Variants in BBOF1 observed in about 807,000 individuals in gnomAD.
BBOF1 encodes basal body-orientation factor 1.
BBOF1 carries 62 observed loss-of-function variants against 68.0 expected under a neutral mutation model. The ratio of observed to expected loss-of-function variants is 0.91; its 90% CI spans 0.74 to 1.13. The LOEUF is 1.13. Among genes scored for constraint, BBOF1 ranks in the 50% most tolerant of loss-of-function variants. The probability of loss-of-function intolerance (pLI) is 0.00; values close to 1 mark genes in which losing one functional copy is unlikely to be tolerated. For missense variants in BBOF1, 534 were observed against 600.1 expected (o/e 0.89, Z 1.15); for synonymous variants, 208 against 198.8 (o/e 1.05, Z -0.39).
In BBOF1 at chr14:74,030,937, TATAG is replaced by T. The variant is rs1397705597; in HGVS notation, c.351+1690_351+1693del. ...AGTCATAAACATATATATATATATA[TATAG>T]AGAGAGAGAGATTATATATAAGGAG... On this transcript the variant is annotated intron_variant, in intron 3 of 11. Transcript: ENST00000394009. 8.2e-5 allele frequency among the ~76,000 whole-genome samples: 12 copies of T among 146,352 alleles called. 1 individual carries two copies. The highest frequency in any genetic ancestry group is 7.2e-3 in the Middle Eastern group (2 of 276).
At chr14:74,032,057 G>T (rs1291097925) in intron 3 of BBOF1, 1 of 151,354 alleles carries the variant, frequency 6.6e-6, no homozygotes, top group Admixed American at 6.6e-5. Flanking sequence ...AATACCACTA[G>T]CCATGCATGA....
intron 8 of BBOF1, among the ~76,000 whole-genome samples, chr14:74,054,442 G>A (rs79180947): frequency 1.3e-5 from 2 of 150,614 alleles, no homozygotes; most frequent in Middle Eastern, 3.4e-3. Context: ...GCAGTGGCAC[G>A]ATCTCAGCTC....
downstream of BBOF1, among the ~76,000 whole-genome samples, chr14:74,069,808 T>A (rs1287336730): frequency 6.6e-6 from 1 of 151,902 alleles, no homozygotes; most frequent in Non-Finnish European, 1.5e-5. Flanking sequence ...CTTTCATGAT[T>A]TTTCTCATTT....
In BBOF1 at chr14:74,023,110, AC is replaced by A; in HGVS notation, c.253del (p.Leu85Ter). 1 of 1,591,498 alleles carries A rather than the reference AC, an allele frequency of 6.3e-7. No homozygotes were observed. Among genetic ancestry groups the A allele is most frequent in the Non-Finnish European group, 8.6e-7 (1 of 1,168,164 alleles). The part of the protein sequence containing the change: ...MEKDIMSVLS[Y>X]LKKQDQEKDN... ...AAAGACATAATGTCAGTATTAAGTT[AC>A]CTGAAGAAGCAGGATCAGGAGAAAG... On this transcript the variant is annotated frameshift_variant, in exon 2 of 12. Transcript: ENST00000394009. LOFTEE classifies it high-confidence loss of function.
At chr14:74,033,170 A>C (rs1210917343) in intron 3 of BBOF1, among the ~76,000 whole-genome samples, 1 of 152,174 alleles carries the variant, frequency 6.6e-6, no homozygotes, top group Admixed American at 6.6e-5. Flanking sequence ...ATCCCTTTTT[A>C]GTAAACATCT....
chr14:74,051,247 AAAAAC>A lies in BBOF1; in HGVS notation c.1286+1062_1286+1066del, dbSNP rs549353564. 2.3e-3 allele frequency among the ~76,000 whole-genome samples: 353 copies of A among 151,404 alleles called. 2 individuals are homozygous for A. Among genetic ancestry groups the A allele is most frequent in the Non-Finnish European group, 4.1e-3 (282 of 67,970 alleles). On this transcript the variant is annotated intron_variant, in intron 8 of 11. Coordinates refer to ENST00000394009, the MANE Select transcript of BBOF1 (RefSeq NM_025057.3). ...TGACAAGAGCAAAACACTGTCTCAA[AAAAAC>A]AAAACAAAAAACAAAAATTAGCTGG...
chr14:74,040,606 G>A lies in BBOF1; in HGVS notation c.537G>A (p.Glu179=), dbSNP rs1274684156. Residue 179 remains glutamate, a synonymous_variant, in exon 5 of 12, where the codon GAG becomes GAA. Transcript: ENST00000394009. ...GAAACACAGAGCGGATACATCAGGA[G>A]ACTCTTAGAAGACTGGAAAGCAGAT... ...NLRNTERIHQ[E]TLRRLESRFF... 6.3e-7 allele frequency: 1 copy of A among 1,596,202 alleles called. No homozygotes were observed. Among genetic ancestry groups the A allele is most frequent in the Non-Finnish European group, 8.5e-7 (1 of 1,173,100 alleles).
intron 6 of BBOF1, among the ~76,000 whole-genome samples, chr14:74,046,592 C>T (rs966048621): frequency 6.6e-6 from 1 of 152,132 alleles, no homozygotes; most frequent in East Asian, 1.9e-4. Context: ...GGGCTGATCT[C>T]GAACTCCTGA....
At chr14:74,028,097 G>A (rs553418153) in intron 2 of BBOF1, among the ~76,000 whole-genome samples, 106 of 152,300 alleles carry the variant, frequency 7.0e-4, no homozygotes, top group Admixed American at 1.6e-3. Context: ...GCCAGGCACA[G>A]TGGCTCATGC....
At chr14:74,079,443 T>C (rs1024477884) in intron 10 of BBOF1, among the ~76,000 whole-genome samples, 76 of 143,718 alleles carry the variant, frequency 5.3e-4, no homozygotes, top group Middle Eastern at 3.5e-3. Flanking sequence ...TTTTTTTTTT[T>C]CTTTTTTTGA....
chr14:74,037,274 CTTTTTTTT>C (rs892262272), intron 4 of BBOF1, among the ~76,000 whole-genome samples: 1,736 of 65,986 alleles, frequency 0.026, 34 homozygotes, highest in African/African-American at 0.089. Flanking sequence ...CGCCTGGCCT[CTTTTTTTT>C]TTTTTTTTTT....
chr14:74,031,004 G>C (rs1000914705), intron 3 of BBOF1, among the ~76,000 whole-genome samples: 1 of 150,756 alleles, frequency 6.6e-6, no homozygotes, highest in Admixed American at 6.6e-5. Flanking sequence ...ATCTTTCTTA[G>C]ATAAAAGGTA....
In BBOF1 at chr14:74,035,712, C is replaced by T. The variant is rs550786942; in HGVS notation, c.495+1541C>T. The stretch of plus-strand genomic sequence containing the variant: ...CCTCCCAAAGTGCTTGGATTATAGG[C>T]GTGAGCCACCATGCTCAGCCCATAT... On this transcript the variant is annotated intron_variant, in intron 4 of 11. Coordinates refer to ENST00000394009, the MANE Select transcript of BBOF1 (RefSeq NM_025057.3). 1.9e-4 allele frequency among the ~76,000 whole-genome samples: 28 copies of T among 146,668 alleles called. No individual in the cohort carries two copies. The East Asian group carries it at 5.0e-3, about 26-fold the overall frequency.
intron 3 of BBOF1, among the ~76,000 whole-genome samples, chr14:74,032,118 ATTTTTTTTTT>A (rs780515040): frequency 1.0e-5 from 1 of 99,666 alleles, no homozygotes; most frequent in East Asian, 3.2e-4. Context: ...CTCAAAGTTG[ATTTTTTTTTT>A]TTTTTTTTTT....
In BBOF1 at chr14:74,033,011, C is replaced by G. The variant is rs111505859; in HGVS notation, c.352-1017C>G. ...ATGTCTCCTTCCCTTTTTCTCCCTC[C>G]TCTTCCTTCCTCATCCTCCTTCTTT... On this transcript the variant is annotated intron_variant, in intron 3 of 11. Coordinates refer to ENST00000394009, the MANE Select transcript of BBOF1 (RefSeq NM_025057.3). Among the ~76,000 whole-genome samples, 335 of 151,818 alleles carry G rather than the reference C, an allele frequency of 2.2e-3. 2 individuals carry two copies. The highest frequency in any genetic ancestry group is 7.7e-3 in the African/African-American group (319 of 41,402).
intron 9 of BBOF1, among the ~76,000 whole-genome samples, chr14:74,073,793 C>A (rs34663760): frequency 0.11 from 16,869 of 151,504 alleles, 1,235 homozygotes; most frequent in Admixed American, 0.19. Context: ...TGGCATGCGA[C>A]TGTAATCCTA....
At chr14:74,034,951 G>A (rs1233983228) in intron 4 of BBOF1, among the ~76,000 whole-genome samples, 1 of 152,096 alleles carries the variant, frequency 6.6e-6, no homozygotes, top group Admixed American at 6.6e-5. Context: ...AATTAGCCAG[G>A]CACAGTGGCT....
chr14:74,046,581 C>G (rs1019460396), intron 6 of BBOF1, among the ~76,000 whole-genome samples: 3 of 152,038 alleles, frequency 2.0e-5, no homozygotes, highest in Admixed American at 6.6e-5. Context: ...CCATGTTGGC[C>G]GGGCTGATCT....
At chr14:74,023,763 A>G (rs2059357037) in intron 2 of BBOF1, among the ~76,000 whole-genome samples, 1 of 152,016 alleles carries the variant, frequency 6.6e-6, no homozygotes, top group African/African-American at 2.4e-5. Flanking sequence ...TAAAATACAA[A>G]AAATTAACCG....
Sources: allele counts gnomAD v4.1 joint callset (sites outside exome capture counted in the v4.1 genomes callset), GRCh38; gene constraint gnomAD v4.1.1; transcripts MANE v1.5; gene names NCBI Gene and HGNC (gene_info 2026-07-23, HGNC 2026-07-21).